Variants in GBE1 observed in about 807,000 individuals in gnomAD.
GBE1 encodes 1,4-alpha-glucan-branching enzyme.
GBE1 carries 70 observed loss-of-function variants against 88.8 expected under a neutral mutation model. The observed-to-expected ratio is 0.79, with a 90% confidence interval of 0.65 to 0.96. The LOEUF (loss-of-function observed/expected upper bound fraction) is 0.96. GBE1 is among the 40% of genes least tolerant of loss of function. The probability of loss-of-function intolerance (pLI) is 0.00; values close to 1 mark genes in which losing one functional copy is unlikely to be tolerated. For synonymous variants in GBE1, 284 were observed against 300.1 expected (o/e 0.95, Z 0.56); for missense variants, 872 against 871.0 (o/e 1.00, Z -0.01).
At chr3:81,566,240 C>T (rs1703494233) in intron 12 of GBE1, among the ~76,000 whole-genome samples, 1 of 152,170 alleles carries the variant, frequency 6.6e-6, no homozygotes, top group African/African-American at 2.4e-5. Flanking sequence ...CCTTAAGAAT[C>T]ACCTGGGAAT....
rs750447886 is a variant in GBE1 at position 81,761,367 on chromosome 3, G to A, written c.143+8C>T. On this transcript the variant is annotated splice_region_variant and intron_variant, in intron 1 of 15. Transcript: ENST00000429644. ...GTCTAAGTGGGGGTGGTGGGATTCCGGCGGTACCTGCGCTGGAAGTCCACG... is the reference window on the plus strand; with the variant it reads ...GTCTAAGTGGGGGTGGTGGGATTCCAGCGGTACCTGCGCTGGAAGTCCACG... 6.2e-7 allele frequency: 1 copy of A among 1,603,504 alleles called. No individual in the cohort carries two copies. The highest frequency in any genetic ancestry group is 8.5e-7 in the Non-Finnish European group (1 of 1,172,874).
chr3:81,514,412 C>T (rs1361763942), intron 14 of GBE1, among the ~76,000 whole-genome samples: 4 of 151,568 alleles, frequency 2.6e-5, no homozygotes, highest in African/African-American at 7.3e-5. Flanking sequence ...TATTCAACAG[C>T]TGATACCACA....
intron 14 of GBE1, among the ~76,000 whole-genome samples, chr3:81,503,950 T>C (rs923396114): frequency 1.3e-5 from 2 of 152,088 alleles, no homozygotes; most frequent in Admixed American, 6.6e-5. Context: ...TTAAGAAGCT[T>C]ACACTCATGG....
intron 7 of GBE1, among the ~76,000 whole-genome samples, chr3:81,609,403 G>A (rs1371706924): frequency 6.6e-6 from 1 of 152,008 alleles, no homozygotes; most frequent in South Asian, 2.1e-4. Context: ...ACATCTGTCT[G>A]TCTCTTCACC....
intron 7 of GBE1, among the ~76,000 whole-genome samples, chr3:81,639,247 T>C (rs576743589): frequency 6.6e-6 from 1 of 152,296 alleles, no homozygotes; most frequent in Admixed American, 6.5e-5. Context: ...AAGTATGTTG[T>C]TCACATTTTT....
At position 81,528,828 on chromosome 3, in the gene GBE1, CT is replaced by C. The variant is rs548562854; in HGVS notation, c.1934+6366del. Among the ~76,000 whole-genome samples, 36 of 152,092 alleles carry C rather than the reference CT, an allele frequency of 2.4e-4. No individual in the cohort carries two copies. The South Asian group carries it at 7.3e-3, about 31-fold the overall frequency. On this transcript the variant is annotated intron_variant, in intron 14 of 15. Coordinates refer to ENST00000429644, the MANE Select transcript of GBE1 (RefSeq NM_000158.4). ...TATGCTTTCTGTTTGCATAGAATATCTTTTTCCATCCCTTTATTTGCTAGTC... is the reference window on the plus strand; with the variant it reads ...TATGCTTTCTGTTTGCATAGAATATCTTTTCCATCCCTTTATTTGCTAGTC...
At position 81,670,973 on chromosome 3, in the gene GBE1, C is replaced by G; in HGVS notation, c.314-20G>C. On this transcript the variant is annotated intron_variant, in intron 2 of 15. Transcript: ENST00000429644. ...AACCATCTAAAAAAATGAAGAAGAT[C>G]AGTTAACAACAGCATGATAGGACTA... is the stretch of plus-strand genomic sequence containing the variant. 1 of 1,189,624 alleles carries G rather than the reference C, an allele frequency of 8.4e-7. No individual in the cohort carries two copies. The highest frequency in any genetic ancestry group is 1.9e-4 in the Middle Eastern group (1 of 5,256). The allele number at this position is 1,189,624 out of a possible 1,614,324, so 73.7% of individuals were successfully genotyped here. A position where few individuals can be genotyped will look rare whatever the true frequency, so the allele number is the denominator to read the frequency against.
chr3:81,671,635 C>T (rs1485228692), intron 2 of GBE1, among the ~76,000 whole-genome samples: 1 of 152,080 alleles, frequency 6.6e-6, no homozygotes, highest in Non-Finnish European at 1.5e-5. Context: ...TAAAATAGAT[C>T]TCCACCAACT....
chr3:81,753,277 A>T (rs555629982), intron 1 of GBE1, among the ~76,000 whole-genome samples: 2 of 152,292 alleles, frequency 1.3e-5, no homozygotes, highest in Non-Finnish European at 2.9e-5. Context: ...AACACAAAGG[A>T]GCCCTGGATT....
chr3:81,681,754 G>T (rs1705347885), intron 2 of GBE1, among the ~76,000 whole-genome samples: 1 of 152,016 alleles, frequency 6.6e-6, no homozygotes, highest in Admixed American at 6.6e-5. Context: ...GGAACAACTG[G>T]ATCTCCACAT....
intron 7 of GBE1, chr3:81,612,574 C>A: frequency 2.8e-6 from 2 of 710,942 alleles, no homozygotes; most frequent in East Asian, 3.4e-5. Context: ...TTGTTACCCC[C>A]AAATTTGGGA....
chr3:81,651,987 C>A (rs1704857862), intron 3 of GBE1, among the ~76,000 whole-genome samples: 1 of 152,216 alleles, frequency 6.6e-6, no homozygotes, highest in Non-Finnish European at 1.5e-5. Flanking sequence ...GCATGGTTCT[C>A]TGATGCTCCT....
chr3:81,708,845 AG>A (rs1265658492), intron 1 of GBE1, among the ~76,000 whole-genome samples: 5 of 152,204 alleles, frequency 3.3e-5, no homozygotes, highest in Non-Finnish European at 5.9e-5. Flanking sequence ...AAAATGAGGT[AG>A]GGCAAAATGT....
intron 1 of GBE1, among the ~76,000 whole-genome samples, chr3:81,750,911 C>T (rs1361744278): frequency 1.3e-5 from 2 of 151,152 alleles, no homozygotes; most frequent in African/African-American, 4.9e-5. Context: ...AACTCCTGAC[C>T]TCGTGATCTG....
chr3:81,563,597 C>A (rs1463619519), intron 12 of GBE1, among the ~76,000 whole-genome samples: 2 of 152,054 alleles, frequency 1.3e-5, no homozygotes, highest in Non-Finnish European at 1.5e-5. Context: ...TATTCCCCTG[C>A]ACCAGCCCTT....
chr3:81,650,819 C>T (rs1704838399), intron 3 of GBE1, among the ~76,000 whole-genome samples: 1 of 152,046 alleles, frequency 6.6e-6, no homozygotes, highest in Non-Finnish European at 1.5e-5. Flanking sequence ...CATGTACCAC[C>T]ATGCTCAGCT....
At chr3:81,704,291 A>G (rs973089587) in intron 2 of GBE1, among the ~76,000 whole-genome samples, 2 of 152,040 alleles carry the variant, frequency 1.3e-5, no homozygotes, top group Non-Finnish European at 2.9e-5. Flanking sequence ...TAGACAATGC[A>G]TATTAATATA....
At chr3:81,641,535 C>T (rs1268516860) in intron 7 of GBE1, among the ~76,000 whole-genome samples, 2 of 152,110 alleles carry the variant, frequency 1.3e-5, no homozygotes, top group East Asian at 1.9e-4. Context: ...AGTCCCCAAA[C>T]TCTGCCTCCT....
chr3:81,575,206 T>C (rs542850345), intron 12 of GBE1, among the ~76,000 whole-genome samples: 10 of 151,274 alleles, frequency 6.6e-5, no homozygotes, highest in South Asian at 6.2e-4. Context: ...TCGATGTTAC[T>C]GACAAAAATA....
Sources: allele counts gnomAD v4.1 joint callset (sites outside exome capture counted in the v4.1 genomes callset), GRCh38; gene constraint gnomAD v4.1.1; transcripts MANE v1.5; gene names NCBI Gene and HGNC (gene_info 2026-07-23, HGNC 2026-07-21).